The following SORBS2 variants were observed in gnomAD, a reference collection of about 807,000 sequenced individuals.
The protein encoded by SORBS2 is sorbin and SH3 domain containing 2, also known as sorbin and SH3 domain-containing protein 2.
In SORBS2, 46 loss-of-function variants were observed where a neutral mutation model predicts 97.7. The observed-to-expected ratio is 0.47, with a 90% CI of 0.37 to 0.60. SORBS2 has a LOEUF of 0.60. Ranked by LOEUF, SORBS2 falls within the 20% of genes least tolerant of loss-of-function variation. The pLI is 0.00. For missense variants in SORBS2, 1,316 were observed against 1,282.3 expected, an observed-to-expected ratio of 1.03 and a Z score of -0.40; for synonymous variants, 476 against 473.4, an observed-to-expected ratio of 1.01 and a Z score of -0.07.
rs543120740 is a variant in SORBS2 at position 185,619,897 on chromosome 4, A to AG, written c.2304+165dup. On this transcript the variant is annotated intron_variant, in intron 8 of 14. Coordinates refer to ENST00000418609, the Ensembl canonical transcript of SORBS2. Reference sequence around the variant, plus strand: ...TAGGGTCAGGGTGTGGACTGCTTCTAGGGTCAGAGTTGCTATGCTCAGGCC... The same window carrying AG: ...TAGGGTCAGGGTGTGGACTGCTTCTAGGGGTCAGAGTTGCTATGCTCAGGCC... Among the ~76,000 whole-genome samples the AG allele has an allele frequency of 4.2e-3, 643 of 152,288 alleles. 4 individuals are homozygous for AG. The highest frequency in any genetic ancestry group is 0.012 in the African/African-American group (512 of 41,576).
chr4:185,624,160 G>A, exon 7 of SORBS2: 1 of 1,614,242 alleles, frequency 6.2e-7, no homozygotes, highest in Non-Finnish European at 8.5e-7. Flanking sequence ...CCCACGCCAT[G>A]GGGCAGCTCT....
chr4:185,922,127 G>T lies in SORBS2; in HGVS notation c.-338+34069C>A, dbSNP rs78569825. ...ATCAGGCACATGGTAGCTGTGTATG[G>T]TGAAGCACTGGCTTTCAGGAGAATT... On this transcript the variant is annotated intron_variant, in intron 1 of 20. Transcript: ENST00000284776. Among the ~76,000 whole-genome samples, 471 of 152,322 alleles carry T rather than the reference G, an allele frequency of 3.1e-3. 2 individuals carry two copies. Among genetic ancestry groups the T allele is most frequent in the Non-Finnish European group, 4.6e-3 (316 of 68,030 alleles).
At chr4:185,879,868 C>T (rs1579302774) in intron 1 of SORBS2, among the ~76,000 whole-genome samples, 1 of 152,216 alleles carries the variant, frequency 6.6e-6, no homozygotes, top group African/African-American at 2.4e-5. Context: ...GAGGGCAGGG[C>T]GTCCACGTGT....
intron 12 of SORBS2, among the ~76,000 whole-genome samples, chr4:185,599,883 C>A (rs2096214507): frequency 6.8e-6 from 1 of 145,986 alleles, no homozygotes; most frequent in Non-Finnish European, 1.5e-5. Context: ...TAAGGAAGAG[C>A]CAGCCCTGGG....
At chr4:185,663,391 C>G (rs1227272795) in intron 4 of SORBS2, among the ~76,000 whole-genome samples, 1 of 152,218 alleles carries the variant, frequency 6.6e-6, no homozygotes, top group East Asian at 1.9e-4. Context: ...AATTTCATTA[C>G]TGTATAACCA....
At chr4:185,949,869 G>T (rs774105745) in intron 1 of SORBS2, among the ~76,000 whole-genome samples, 1 of 152,084 alleles carries the variant, frequency 6.6e-6, no homozygotes, top group African/African-American at 2.4e-5. Flanking sequence ...AGTAATCAAG[G>T]GTCCAGCAGC....
chr4:185,828,475 A>C (rs1194739995), intron 1 of SORBS2, among the ~76,000 whole-genome samples: 1 of 152,122 alleles, frequency 6.6e-6, no homozygotes, highest in African/African-American at 2.4e-5. Flanking sequence ...CATTATCATC[A>C]TCATCATTAT....
chr4:185,753,133 G>A (rs1426044013), intron 2 of SORBS2, among the ~76,000 whole-genome samples: 1 of 152,240 alleles, frequency 6.6e-6, no homozygotes, highest in East Asian at 1.9e-4. Context: ...AGTGCATTCA[G>A]TGCAGCTGCT....
At chr4:185,757,088 T>C (rs1054223721) in intron 2 of SORBS2, 2 of 619,168 alleles carry the variant, frequency 3.2e-6, no homozygotes, top group African/African-American at 1.8e-5. Flanking sequence ...ATGGTTTTCC[T>C]GTCGAACTGC....
rs1200094039 is a variant in SORBS2, at chr4:185,694,706, C to CTTTT, written c.-197-15888_-197-15885dup. The stretch of plus-strand genomic sequence containing the variant: ...TTTCTTTTTCTTTTTCCTTTTCTTT[C>CTTTT]TTTTCTTTTCTTTTTTTTGAGACGG... On this transcript the variant is annotated intron_variant, in intron 2 of 20. Coordinates refer to the SORBS2 transcript ENST00000284776. Among the ~76,000 whole-genome samples, 43 of 124,244 alleles carry CTTTT rather than the reference C, an allele frequency of 3.5e-4. 1 individual carries two copies. The highest frequency in any genetic ancestry group is 5.6e-4 in the South Asian group (2 of 3,598). The allele number at this position is 124,244 out of a possible 152,430, so 81.5% of individuals were successfully genotyped here.
intron 1 of SORBS2, among the ~76,000 whole-genome samples, chr4:185,803,516 T>C (rs2099140289): frequency 6.6e-6 from 1 of 152,212 alleles, no homozygotes; most frequent in Admixed American, 6.5e-5. Flanking sequence ...AGGTGGTTTT[T>C]CAAACTAAAC....
intron 4 of SORBS2, 135 bp downstream of exon 14, chr4:185,638,742 G>A: frequency 2.6e-6 from 2 of 768,838 alleles, no homozygotes; most frequent in Non-Finnish European, 3.8e-6. Context: ...AGGGGCCTGT[G>A]GATGAGAAGA....
intron 2 of SORBS2, among the ~76,000 whole-genome samples, chr4:185,770,326 A>C (rs1236776422): frequency 6.6e-6 from 1 of 152,116 alleles, no homozygotes; most frequent in African/African-American, 2.4e-5. Context: ...TTAGGAATGC[A>C]CTCCACTCTA....
chr4:185,831,533 T>G (rs576720330), intron 1 of SORBS2, among the ~76,000 whole-genome samples: 1 of 152,318 alleles, frequency 6.6e-6, no homozygotes, highest in African/African-American at 2.4e-5. Flanking sequence ...GAATAACAAA[T>G]GGATAGGGCC....
At chr4:185,836,608 C>A (rs1239507595) in intron 1 of SORBS2, among the ~76,000 whole-genome samples, 1 of 144,006 alleles carries the variant, frequency 6.9e-6, no homozygotes, top group Non-Finnish European at 1.5e-5. Flanking sequence ...CCGTGTCACA[C>A]CGAGCCTCAG....
chr4:185,918,948 C>G (rs2099259665), intron 1 of SORBS2, among the ~76,000 whole-genome samples: 1 of 152,170 alleles, frequency 6.6e-6, no homozygotes, highest in Admixed American at 6.5e-5. Flanking sequence ...TCCACAGATG[C>G]AGCATTTGAT....
intron 2 of SORBS2, among the ~76,000 whole-genome samples, chr4:185,726,777 A>T (rs949572469): frequency 3.3e-5 from 5 of 152,112 alleles, no homozygotes; most frequent in African/African-American, 1.2e-4. Flanking sequence ...GAAACAGATG[A>T]AGGAAAAATA....
intron 1 of SORBS2, among the ~76,000 whole-genome samples, chr4:185,821,709 C>T (rs551787464): frequency 6.6e-6 from 1 of 152,210 alleles, no homozygotes; most frequent in Non-Finnish European, 1.5e-5. Flanking sequence ...CAAGCGTGCA[C>T]CACCACACTC....
intron 12 of SORBS2, among the ~76,000 whole-genome samples, chr4:185,611,247 T>A (rs989297374): frequency 2.0e-5 from 3 of 152,228 alleles, no homozygotes; most frequent in Admixed American, 1.3e-4. Context: ...AAAAAACTTG[T>A]ATAGATTTGT....
Sources: gnomAD v4.1 joint callset for allele counts (sites outside exome capture counted in the v4.1 genomes callset) on GRCh38, gnomAD v4.1.1 for gene constraint, MANE v1.5 for transcripts, NCBI Gene and HGNC (gene_info 2026-07-23, HGNC 2026-07-21) for gene names.